The following DLG2 variants were observed in gnomAD, a reference collection of about 807,000 sequenced individuals.
DLG2 encodes discs large MAGUK scaffold protein 2.
Under a neutral mutation model 132.5 loss-of-function variants are expected in DLG2, and 45 were observed. The observed-to-expected ratio is 0.34, with a 90% confidence interval of 0.27 to 0.44. The LOEUF (loss-of-function observed/expected upper bound fraction) is 0.44, where lower values mean the gene tolerates loss of function less well. DLG2 is among the 20% of genes least tolerant of loss of function. The pLI is 1.00. For synonymous variants in DLG2, 424 were observed against 419.6 expected (o/e 1.01, Z -0.13); for missense variants, 1,045 against 1,196.9 (o/e 0.87, Z 1.87).
At chr11:85,501,807 T>C (rs547685496) in intron 3 of DLG2, among the ~76,000 whole-genome samples, 1 of 152,286 alleles carries the variant, frequency 6.6e-6, no homozygotes, top group South Asian at 2.1e-4. Context: ...GGAACTCTTT[T>C]ACATTGTTGG....
chr11:83,990,783 C>A (rs2093662657), intron 11 of DLG2, among the ~76,000 whole-genome samples: 1 of 152,096 alleles, frequency 6.6e-6, no homozygotes. Context: ...GCATACTGGT[C>A]CTGTCAGAGT....
intron 11 of DLG2, among the ~76,000 whole-genome samples, chr11:84,002,775 C>G (rs2094415491): frequency 6.6e-6 from 1 of 152,110 alleles, no homozygotes; most frequent in Non-Finnish European, 1.5e-5. Context: ...AGACATTTTT[C>G]CCATTGTCTT....
chr11:83,756,552 C>G (rs1235653660), intron 18 of DLG2, among the ~76,000 whole-genome samples: 1 of 151,336 alleles, frequency 6.6e-6, no homozygotes, highest in African/African-American at 2.5e-5. Context: ...AAGCTGTGAG[C>G]CTGAACAGAT....
At chr11:85,609,626 G>T (rs1479277182) in intron 2 of DLG2, among the ~76,000 whole-genome samples, 2 of 152,364 alleles carry the variant, frequency 1.3e-5, no homozygotes, top group East Asian at 3.9e-4. Context: ...CACTGCCACA[G>T]AGTGCAGAGG....
chr11:84,273,370 TA>T, intron 7 of DLG2: 1 of 1,304,154 alleles, frequency 7.7e-7, no homozygotes. Context: ...TTAGATCTGC[TA>T]CACAAACTGC....
chr11:84,621,623 T>C (rs1204863016), intron 6 of DLG2, among the ~76,000 whole-genome samples: 2 of 152,142 alleles, frequency 1.3e-5, no homozygotes, highest in African/African-American at 2.4e-5. Context: ...GAGAAATAAA[T>C]GTACAAGCTA....
intron 3 of DLG2, among the ~76,000 whole-genome samples, chr11:85,530,167 T>G (rs554155588): frequency 3.3e-4 from 50 of 151,592 alleles, no homozygotes; most frequent in African/African-American, 1.0e-3. Context: ...CAGCTAATTT[T>G]GGATTTTTAG....
chr11:85,465,245 C>A (rs2153065199), intron 3 of DLG2, among the ~76,000 whole-genome samples: 1 of 151,286 alleles, frequency 6.6e-6, no homozygotes, highest in South Asian at 2.1e-4. Flanking sequence ...TGGGCTCAAG[C>A]AAACTTCCCA....
intron 5 of DLG2, among the ~76,000 whole-genome samples, chr11:85,131,471 A>G (rs2075704811): frequency 1.3e-5 from 2 of 152,152 alleles, no homozygotes; most frequent in Admixed American, 1.3e-4. Flanking sequence ...CCTTTAGTAG[A>G]TTACATAAGG....
At chr11:83,674,108 G>A (rs992464971) in intron 18 of DLG2, among the ~76,000 whole-genome samples, 1 of 152,158 alleles carries the variant, frequency 6.6e-6, no homozygotes, top group Non-Finnish European at 1.5e-5. Flanking sequence ...TAGAAGTGAT[G>A]TCAAAATATT....
chr11:85,478,450 T>C (rs1376826521), intron 3 of DLG2, among the ~76,000 whole-genome samples: 2 of 152,068 alleles, frequency 1.3e-5, no homozygotes, highest in South Asian at 2.1e-4. Context: ...TATTTATTCA[T>C]AAAAAAAATT....
chr11:83,883,341 G>A (rs964580297), intron 15 of DLG2, among the ~76,000 whole-genome samples: 2 of 151,956 alleles, frequency 1.3e-5, no homozygotes, highest in Admixed American at 1.3e-4. Context: ...CCAGAAACCT[G>A]GGACCCATTT....
chr11:83,892,160 C>A (rs961530068), intron 15 of DLG2, among the ~76,000 whole-genome samples: 1 of 152,152 alleles, frequency 6.6e-6, no homozygotes, highest in Non-Finnish European at 1.5e-5. Context: ...TTCACCTAAT[C>A]TTCTACTTAT....
chr11:84,245,303 A>G (rs528638369), intron 8 of DLG2, among the ~76,000 whole-genome samples: 3 of 152,104 alleles, frequency 2.0e-5, no homozygotes, highest in Non-Finnish European at 4.4e-5. Context: ...GTTTGCATCC[A>G]ATGGCCTTTT....
rs1284408248 is a variant in DLG2 at position 85,285,238 on chromosome 11, T to A, written c.168A>T (p.Arg56Ser). 1.2e-6 allele frequency: 2 copies of A among 1,611,304 alleles called. No individual in the cohort carries two copies. ...AGTATACCTCTGAAGATTTTTGAAG[T>A]CTGTCATGGCACGGAGCAAGAAGGG... ...KTSLLAPCHD[R>S]LQKSSELTDC... is the part of the protein sequence containing the mutation. The change falls in exon 4 of 28, where the codon AGA (arginine) becomes AGT (serine). Residue 56 changes from arginine (R) to serine (S), a missense_variant. By Grantham distance (110) the Arg-to-Ser change is moderately radical. This residue lies in a region of DLG2 where 277 missense variants were observed against 238.2 expected (regional missense o/e 1.16). Transcript: ENST00000376104.
chr11:85,210,499 T>A (rs759118306), intron 4 of DLG2, among the ~76,000 whole-genome samples: 6 of 152,222 alleles, frequency 3.9e-5, no homozygotes, highest in Non-Finnish European at 8.8e-5. Flanking sequence ...GGTCAAATTA[T>A]CTAAAATGGC....
intron 7 of DLG2, among the ~76,000 whole-genome samples, chr11:84,328,254 GA>G (rs997672173): frequency 4.0e-5 from 6 of 150,744 alleles, no homozygotes; most frequent in Non-Finnish European, 7.4e-5. Flanking sequence ...AAGTGAAGAG[GA>G]AAAAAAGGAG....
intron 3 of DLG2, among the ~76,000 whole-genome samples, chr11:85,388,430 G>A (rs971915547): frequency 6.6e-6 from 1 of 152,072 alleles, no homozygotes; most frequent in South Asian, 2.1e-4. Flanking sequence ...CACCACCTGA[G>A]AAACCTGAAT....
intron 11 of DLG2, among the ~76,000 whole-genome samples, chr11:84,045,222 T>G (rs2096214444): frequency 6.6e-6 from 1 of 151,908 alleles, no homozygotes; most frequent in Middle Eastern, 3.4e-3. Context: ...CTTTTATATC[T>G]ATATGTGCTG....
Sources: allele counts gnomAD v4.1 joint callset (sites outside exome capture counted in the v4.1 genomes callset), GRCh38; gene constraint gnomAD v4.1.1; regional missense constraint gnomAD v4.1.1; transcripts MANE v1.5; gene names NCBI Gene and HGNC (gene_info 2026-07-23, HGNC 2026-07-21).